ALPK3: variants seen among roughly 807,000 people sequenced by gnomAD.
ALPK3 encodes alpha kinase 3.
In ALPK3, 102 loss-of-function variants were observed where a neutral mutation model predicts 140.0. That is an observed-to-expected ratio of 0.73 (90% CI 0.62 to 0.86). The LOEUF is 0.86. Ranked by LOEUF, ALPK3 falls within the 40% of genes least tolerant of loss-of-function variation. ALPK3 has a pLI of 0.00. For synonymous variants in ALPK3, 938 were observed against 898.5 expected (o/e 1.04, Z -0.79); for missense variants, 2,254 against 2,208.2 (o/e 1.02, Z -0.42).
At chr15:84,846,383 T>A (rs991810567) in intron 5 of ALPK3, among the ~76,000 whole-genome samples, 2 of 152,272 alleles carry the variant, frequency 1.3e-5, no homozygotes, top group South Asian at 2.1e-4. Flanking sequence ...TAGAATCATC[T>A]GACTTTAAAA....
At position 84,840,520 on chromosome 15, in the gene ALPK3, C is replaced by T. The variant is rs758630539; in HGVS notation, c.1241C>T (p.Ser414Phe). The part of the protein sequence containing the change: ...GPGPGQEVYF[S>F]LKDMYLENTQ... The stretch of plus-strand genomic sequence containing the variant: ...GGCCCAGGCCAGGAAGTGTATTTCT[C>T]CTTGAAGGACATGTACCTGGAGAAC... Residue 414 changes from serine to phenylalanine, a missense_variant, in exon 5 of 14, where the codon TCC becomes TTC. By Grantham distance (155) the Ser-to-Phe change is radical. Transcript: ENST00000258888. The T allele has an allele frequency of 2.5e-6, 4 of 1,609,856 alleles. No individual in the cohort carries two copies. The African/African-American group carries it at 4.0e-5, about 16-fold the overall frequency.
Position 84,858,055 on chromosome 15 carries a change from C to T in ALPK3, c.3317C>T (p.Ser1106Phe), listed in dbSNP as rs1250986788. The change falls in exon 6 of 14, where the codon TCT (serine) becomes TTT (phenylalanine). Residue 1106 changes from serine (S) to phenylalanine (F), a missense_variant. Physicochemically the swap from Ser to Phe is radical, Grantham distance 155. This residue lies in a region of ALPK3 where 2,088 missense variants were observed against 2,022.9 expected (regional missense o/e 1.03). Transcript: ENST00000258888. ...GAGGGGCCTGGCCTCCTGGGGGCCTCTCAGGAGAGCAGCATGGCTGGTCGA... is the reference window on the plus strand; with the variant it reads ...GAGGGGCCTGGCCTCCTGGGGGCCTTTCAGGAGAGCAGCATGGCTGGTCGA... ...SPEGPGLLGA[S>F]QESSMAGRLG... 1 of 1,569,974 alleles carries T rather than the reference C, an allele frequency of 6.4e-7. No individual in the cohort carries two copies. Among genetic ancestry groups the T allele is most frequent in the Admixed American group, 1.9e-5 (1 of 52,992 alleles).
In ALPK3 at chr15:84,838,968, C is replaced by G; in HGVS notation, c.305-12C>G. 1 of 1,610,716 alleles carries G rather than the reference C, an allele frequency of 6.2e-7. No individual in the cohort carries two copies. Among genetic ancestry groups the G allele is most frequent in the South Asian group, 1.1e-5 (1 of 91,000 alleles). ...GGCCTTGCTGTAACCCAGTCTCCTG[C>G]TTCTTTCTCAGGATACCCAGAGCCA... On this transcript the variant is annotated splice_polypyrimidine_tract_variant and intron_variant, in intron 3 of 13. Transcript: ENST00000258888.
intron 5 of ALPK3, among the ~76,000 whole-genome samples, chr15:84,854,588 T>G (rs2141566059): frequency 6.6e-6 from 1 of 152,304 alleles, no homozygotes; most frequent in African/African-American, 2.4e-5. Flanking sequence ...TGCCTGGCCT[T>G]CATTCATTTT....
rs3803404 is a variant in ALPK3, at chr15:84,839,930, C to T, written c.651C>T (p.Ser217=). ...AGGTCGACACTCTGCGCAAGCTCAG[C>T]CCCGACCGCTTCCAGCGAAAGCGGC... ...PGEVDTLRKL[S]PDRFQRKRRL... Residue 217 remains serine (S), a synonymous_variant, in exon 5 of 14, where the codon AGC becomes AGT. Coordinates refer to ENST00000258888, the MANE Select transcript of ALPK3 (RefSeq NM_020778.5). 8.7e-6 allele frequency: 14 copies of T among 1,613,802 alleles called. No homozygotes were observed. The East Asian group carries it at 3.1e-4, about 36-fold the overall frequency.
Position 84,858,329 on chromosome 15 carries a change from G to T in ALPK3, c.3591G>T (p.Arg1197Ser). Residue 1197 changes from arginine (R) to serine (S), a missense_variant, in exon 6 of 14, where the codon AGG becomes AGT. Transcript: ENST00000258888. ...ESPTVSPRGP[R>S]KSLVPGSPGT... ...CCACGGTTTCCCCCCGGGGGCCCAG[G>T]AAAAGCCTGGTGCCTGGGTCCCCAG... 6.4e-7 allele frequency: 1 copy of T among 1,560,018 alleles called. No individual in the cohort carries two copies. The highest frequency in any genetic ancestry group is 8.7e-7 in the Non-Finnish European group (1 of 1,152,422).
chr15:84,834,488 A>G (rs1409894548), intron 3 of ALPK3, among the ~76,000 whole-genome samples: 1 of 152,252 alleles, frequency 6.6e-6, no homozygotes, highest in Non-Finnish European at 1.5e-5. Flanking sequence ...AGAAGTATTC[A>G]GCTTAGTATC....
intron 4 of ALPK3, 132 bp downstream of exon 4, chr15:84,839,229 C>A: frequency 1.3e-6 from 1 of 790,424 alleles, no homozygotes; most frequent in Non-Finnish European, 2.0e-6. Context: ...CAGGATTCTG[C>A]TGTGTGGTTG....
chr15:84,821,689 C>T (rs1250317881), intron 1 of ALPK3, among the ~76,000 whole-genome samples: 1 of 152,102 alleles, frequency 6.6e-6, no homozygotes, highest in Non-Finnish European at 1.5e-5. Context: ...CTCTCTCCCT[C>T]CCCCAGGTCC....
chr15:84,820,011 T>C (rs935675762), intron 1 of ALPK3, among the ~76,000 whole-genome samples: 12 of 152,160 alleles, frequency 7.9e-5, no homozygotes, highest in Non-Finnish European at 1.6e-4. Context: ...CACATGCAGA[T>C]AGTCCCACCA....
At chr15:84,839,600 G>C (rs147480017) in intron 4 of ALPK3, 102 bp from the exon 5 acceptor site, 93 of 1,292,450 alleles carry the variant, frequency 7.2e-5, no homozygotes, top group Non-Finnish European at 9.0e-5. Flanking sequence ...CTTGCTGTAG[G>C]GAGGGGGAAG....
Position 84,827,473 on chromosome 15 carries a change from G to T in ALPK3, c.183-11G>T. ...GAAGGCCAGCTCTGAATAGCTCTTT[G>T]CCTCTCTTAGGAGCACCTTCTGCTC... On this transcript the variant is annotated splice_polypyrimidine_tract_variant and intron_variant, in intron 2 of 13. Coordinates refer to ENST00000258888, the MANE Select transcript of ALPK3 (RefSeq NM_020778.5). 6.2e-7 allele frequency: 1 copy of T among 1,613,954 alleles called. No individual in the cohort carries two copies. The highest frequency in any genetic ancestry group is 8.5e-7 in the Non-Finnish European group (1 of 1,180,028).
At chr15:84,851,861 T>C (rs561094359) in intron 5 of ALPK3, among the ~76,000 whole-genome samples, 1 of 152,352 alleles carries the variant, frequency 6.6e-6, no homozygotes, top group South Asian at 2.1e-4. Flanking sequence ...AGTATACCTG[T>C]ACGATTAATT....
intron 5 of ALPK3, among the ~76,000 whole-genome samples, chr15:84,854,154 AT>A (rs1963835605): frequency 6.6e-6 from 1 of 151,390 alleles, no homozygotes; most frequent in South Asian, 2.1e-4. Flanking sequence ...TGTGGTTCTG[AT>A]ATTTAAAAAT....
At position 84,857,568 on chromosome 15, in the gene ALPK3, G is replaced by T; in HGVS notation, c.2830G>T (p.Gly944Trp). 2 of 1,576,524 alleles carry T rather than the reference G, an allele frequency of 1.3e-6. No individual in the cohort carries two copies. Among genetic ancestry groups the T allele is most frequent in the Non-Finnish European group, 1.7e-6 (2 of 1,160,358 alleles). Residue 944 changes from glycine to tryptophan, a missense_variant, in exon 6 of 14, where the codon GGG becomes TGG. Gly to Trp is a radical substitution (Grantham distance 184, BLOSUM62 -2). This residue lies in a region of ALPK3 where 2,088 missense variants were observed against 2,022.9 expected (regional missense o/e 1.03). Transcript: ENST00000258888. The stretch of plus-strand genomic sequence containing the variant: ...CTGCGCCCAGGTACCAGATGTGGAG[G>T]GGCGGACCCCAGGTCCCCGGAGCTG... ...GACAQVPDVE[G>W]RTPGPRSCDP... is the part of the protein sequence containing the mutation.
chr15:84,840,636 AG>A lies in ALPK3; in HGVS notation c.1360del (p.Ala454LeufsTer17). On this transcript the variant is annotated frameshift_variant, in exon 5 of 14. Coordinates refer to ENST00000258888, the MANE Select transcript of ALPK3 (RefSeq NM_020778.5). LOFTEE classifies it high-confidence loss of function. ...GESPKGKAPL[R>X]ARSEGVPGAP... ...GAGTCCCAAGGGGAAGGCACCCCTC[AG>A]GGCTAGAAGCGAGGGGGTGCCTGGC... 1 of 1,564,868 alleles carries A rather than the reference AG, an allele frequency of 6.4e-7. No individual in the cohort carries two copies. Among genetic ancestry groups the A allele is most frequent in the East Asian group, 2.2e-5 (1 of 44,612 alleles).
rs114746076 is a variant in ALPK3 at position 84,857,006 on chromosome 15, T to C, written c.2268T>C (p.Phe756=). The C allele has an allele frequency of 6.2e-7, 1 of 1,614,178 alleles. No homozygotes were observed. The highest frequency in any genetic ancestry group is 8.5e-7 in the Non-Finnish European group (1 of 1,180,028). The change falls in exon 6 of 14, where the codon TTT becomes TTC. Residue 756 remains phenylalanine (F), a synonymous_variant. Transcript: ENST00000258888. ...GPRAPLNIEC[F]VQTPEGSCFP... ...GAGCTCCTCTGAATATTGAATGTTT[T>C]GTACAGACCCCAGAAGGGTCTTGTT...
At chr15:84,819,167 A>G (rs1336189909) in intron 1 of ALPK3, among the ~76,000 whole-genome samples, 1 of 152,214 alleles carries the variant, frequency 6.6e-6, no homozygotes, top group African/African-American at 2.4e-5. Flanking sequence ...TGTATGATAG[A>G]TAAATGTTAA....
chr15:84,868,322 C>A lies in ALPK3; in HGVS notation c.4984C>A (p.Pro1662Thr). ...TCCTCAGCCCCAGAAGAAAGGCCTC[C>A]CTAGTCCTCAGGGCACCCGGAAGAG... ...LSPQPQKKGL[P>T]SPQGTRKSAP... is the part of the protein sequence containing the mutation. Residue 1662 changes from proline to threonine, a missense_variant, in exon 14 of 14, where the codon CCT becomes ACT. Pro to Thr is a conservative substitution (Grantham distance 38). Coordinates refer to ENST00000258888, the MANE Select transcript of ALPK3 (RefSeq NM_020778.5). The A allele has an allele frequency of 6.2e-7, 1 of 1,614,114 alleles. No individual in the cohort carries two copies. Among genetic ancestry groups the A allele is most frequent in the East Asian group, 2.2e-5 (1 of 44,870 alleles).
Sources: gnomAD v4.1 joint callset for allele counts (sites outside exome capture counted in the v4.1 genomes callset) on GRCh38, gnomAD v4.1.1 for gene constraint, gnomAD v4.1.1 regional missense constraint, MANE v1.5 for transcripts, NCBI Gene and HGNC (gene_info 2026-07-23, HGNC 2026-07-21) for gene names.